NRXN3: variants seen among roughly 807,000 people sequenced by gnomAD.
NRXN3 encodes neurexin III.
In NRXN3, 32 loss-of-function variants were observed where a neutral mutation model predicts 137.6. The ratio of observed to expected loss-of-function variants is 0.23; its 90% CI spans 0.18 to 0.31. The LOEUF (loss-of-function observed/expected upper bound fraction) is 0.31. NRXN3 is among the 10% of genes least tolerant of loss of function. The probability of loss-of-function intolerance (pLI) is 1.00; values close to 1 mark genes in which losing one functional copy is unlikely to be tolerated. For missense variants in NRXN3, 1,574 were observed against 2,062.5 expected, an observed-to-expected ratio of 0.76 and a Z score of 4.59; for synonymous variants, 798 against 784.5, an observed-to-expected ratio of 1.02 and a Z score of -0.29.
intron 4 of NRXN3, among the ~76,000 whole-genome samples, chr14:78,453,468 T>C (rs967048480): frequency 6.6e-6 from 1 of 152,228 alleles, no homozygotes; most frequent in African/African-American, 2.4e-5. Context: ...GAAGAAGTTC[T>C]GTTTGGAATT....
chr14:78,636,829 A>C (rs370597472), intron 4 of NRXN3, among the ~76,000 whole-genome samples: 43 of 148,866 alleles, frequency 2.9e-4, no homozygotes, highest in African/African-American at 8.3e-4. Context: ...TTCTTTTTTT[A>C]TTTTTTATTT....
intron 4 of NRXN3, among the ~76,000 whole-genome samples, chr14:78,349,301 C>T (rs1250576929): frequency 6.6e-6 from 1 of 152,178 alleles, no homozygotes; most frequent in East Asian, 1.9e-4. Context: ...ACCCCTTTTT[C>T]TCCCTAAATT....
At chr14:79,242,206 A>T (rs1187912535) in intron 15 of NRXN3, among the ~76,000 whole-genome samples, 1 of 152,210 alleles carries the variant, frequency 6.6e-6, no homozygotes, top group Non-Finnish European at 1.5e-5. Context: ...ATTCAAGCCC[A>T]GGTCTATCTG....
At chr14:78,596,834 C>T (rs900946703) in intron 4 of NRXN3, among the ~76,000 whole-genome samples, 3 of 152,112 alleles carry the variant, frequency 2.0e-5, no homozygotes, top group Non-Finnish European at 2.9e-5. Flanking sequence ...AGTTGTTATC[C>T]TCCTCCCACC....
At chr14:79,790,589 G>A (rs970808269) in intron 19 of NRXN3, among the ~76,000 whole-genome samples, 10 of 148,916 alleles carry the variant, frequency 6.7e-5, no homozygotes, top group South Asian at 4.3e-4. Flanking sequence ...AATTACAGGC[G>A]TGGGCCACTG....
At chr14:78,957,882 T>C (rs1211767664) in intron 11 of NRXN3, among the ~76,000 whole-genome samples, 1 of 152,246 alleles carries the variant, frequency 6.6e-6, no homozygotes, top group Non-Finnish European at 1.5e-5. Flanking sequence ...TATTCTGCAC[T>C]ACACACCATT....
intron 16 of NRXN3, among the ~76,000 whole-genome samples, chr14:79,588,899 C>T (rs1297313186): frequency 1.3e-5 from 2 of 152,152 alleles, no homozygotes; most frequent in Non-Finnish European, 2.9e-5. Flanking sequence ...GGGTATCCAT[C>T]CCCTCAAGCA....
chr14:78,879,921 G>A (rs141798352), intron 10 of NRXN3, among the ~76,000 whole-genome samples: 2,088 of 152,232 alleles, frequency 0.014, 26 homozygotes, highest in Middle Eastern at 0.044. Flanking sequence ...AGGAAAACTG[G>A]TGACACTCTC....
rs529526702 is a variant in NRXN3 at position 78,196,838 on chromosome 14, A to G, written c.-704+26164A>G. On this transcript the variant is annotated intron_variant, in intron 1 of 20. Transcript: ENST00000335750. The stretch of plus-strand genomic sequence containing the variant: ...TTACAGATGTGCTTTGACCTGACGG[A>G]TGAATTGGAAGCCTGCGATCAAGAC... Among the ~76,000 whole-genome samples the G allele has an allele frequency of 4.6e-5, 7 of 152,344 alleles. No individual in the cohort carries two copies. The South Asian group carries it at 1.5e-3, about 32-fold the overall frequency.
intron 15 of NRXN3, among the ~76,000 whole-genome samples, chr14:79,428,259 G>A (rs192941637): frequency 8.0e-4 from 121 of 152,176 alleles, no homozygotes; most frequent in Admixed American, 2.6e-4. Context: ...ATGTAAAGTC[G>A]TCGTATGTTT....
intron 15 of NRXN3, among the ~76,000 whole-genome samples, chr14:79,269,542 G>A (rs1248335651): frequency 6.6e-6 from 1 of 152,176 alleles, no homozygotes; most frequent in Admixed American, 6.5e-5. Flanking sequence ...GGCGACTGAG[G>A]AGAGATGGCC....
chr14:79,300,367 A>G (rs903325836), intron 15 of NRXN3, among the ~76,000 whole-genome samples: 1 of 152,062 alleles, frequency 6.6e-6, no homozygotes, highest in Non-Finnish European at 1.5e-5. Context: ...TGGGCATGTT[A>G]TTTGCTTGTG....
chr14:78,624,401 C>A (rs577556521), intron 4 of NRXN3, among the ~76,000 whole-genome samples: 1 of 152,102 alleles, frequency 6.6e-6, no homozygotes, highest in Non-Finnish European at 1.5e-5. Flanking sequence ...ATTAAGCACT[C>A]GAAGCAGAAC....
chr14:79,772,363 C>T lies in NRXN3; in HGVS notation c.4015-32749C>T, dbSNP rs1039131935. Among the ~76,000 whole-genome samples the T allele has an allele frequency of 9.6e-3, 1,457 of 152,192 alleles. 20 individuals are homozygous for T. Among genetic ancestry groups the T allele is most frequent in the African/African-American group, 0.033 (1,379 of 41,518 alleles). On this transcript the variant is annotated intron_variant, in intron 19 of 20. Coordinates refer to ENST00000335750, the MANE Select transcript of NRXN3 (RefSeq NM_001330195.2). ...AACAAAGCTGGAGGCATCACACTACCTGACTTCAAACTATACTACAAGGCT... is the reference window on the plus strand; with the variant it reads ...AACAAAGCTGGAGGCATCACACTACTTGACTTCAAACTATACTACAAGGCT...
At chr14:79,301,975 C>A (rs774995522) in intron 15 of NRXN3, among the ~76,000 whole-genome samples, 7 of 151,916 alleles carry the variant, frequency 4.6e-5, no homozygotes, top group Non-Finnish European at 7.4e-5. Flanking sequence ...TGGCTATGAG[C>A]TCTTTTCTTC....
intron 15 of NRXN3, among the ~76,000 whole-genome samples, chr14:79,390,529 A>G (rs1004811730): frequency 3.3e-5 from 5 of 152,190 alleles, no homozygotes; most frequent in Non-Finnish European, 4.4e-5. Flanking sequence ...TTTGATTTCA[A>G]TCTCACTCAA....
chr14:79,733,443 C>T (rs910349344), intron 19 of NRXN3, among the ~76,000 whole-genome samples: 1 of 151,978 alleles, frequency 6.6e-6, no homozygotes, highest in African/African-American at 2.4e-5. Flanking sequence ...TCCTTTTTTT[C>T]CTTAAGGCAA....
intron 20 of NRXN3, among the ~76,000 whole-genome samples, chr14:79,807,470 T>A (rs2099212495): frequency 6.6e-6 from 1 of 152,114 alleles, no homozygotes; most frequent in Admixed American, 6.5e-5. Flanking sequence ...CTCCCCAGTT[T>A]ATGGGTATAT....
chr14:78,197,045 T>A (rs1427545131), intron 1 of NRXN3, among the ~76,000 whole-genome samples: 1 of 152,198 alleles, frequency 6.6e-6, no homozygotes, highest in East Asian at 1.9e-4. Flanking sequence ...CTGCTTGCTC[T>A]CTTTAGGAGA....
Sources: gnomAD v4.1 joint callset for allele counts (sites outside exome capture counted in the v4.1 genomes callset) on GRCh38, gnomAD v4.1.1 for gene constraint, MANE v1.5 for transcripts, NCBI Gene and HGNC (gene_info 2026-07-23, HGNC 2026-07-21) for gene names.